Variants in NRXN1 observed in about 807,000 individuals in gnomAD.
NRXN1 encodes the protein neurexin-1.
In NRXN1, 39 loss-of-function variants were observed where a neutral mutation model predicts 150.9. The observed-to-expected ratio is 0.26, with a 90% CI of 0.20 to 0.34. The LOEUF (loss-of-function observed/expected upper bound fraction) is 0.34, where lower values mean the gene tolerates loss of function less well. Ranked by LOEUF, NRXN1 falls within the 10% of genes least tolerant of loss-of-function variation. The pLI, the probability that NRXN1 is intolerant of heterozygous loss-of-function variation, is 1.00. For synonymous variants in NRXN1, 924 were observed against 757.0 expected, an observed-to-expected ratio of 1.22 and a Z score of -3.62; for missense variants, 1,815 against 1,949.9, an observed-to-expected ratio of 0.93 and a Z score of 1.30.
chr2:50,532,203 C>A (rs1438785446), intron 10 of NRXN1, among the ~76,000 whole-genome samples: 1 of 151,992 alleles, frequency 6.6e-6, no homozygotes, highest in Non-Finnish European at 1.5e-5. Context: ...GTCAACCTTG[C>A]CTTGGCTCTG....
chr2:49,969,851 C>G (rs1216136600), intron 21 of NRXN1: 1 of 152,022 alleles, frequency 6.6e-6, no homozygotes, highest in East Asian at 1.9e-4. Context: ...GTATCCATGA[C>G]TTTACTAATA....
chr2:50,446,579 C>CTCCT (rs1316319085), intron 17 of NRXN1, among the ~76,000 whole-genome samples: 1 of 129,026 alleles, frequency 7.8e-6, no homozygotes, highest in African/African-American at 2.9e-5. Flanking sequence ...TCCTTCTTTC[C>CTCCT]TCCTTCCTTC....
At chr2:50,593,748 T>C (rs1167265867) in intron 8 of NRXN1, among the ~76,000 whole-genome samples, 1 of 152,208 alleles carries the variant, frequency 6.6e-6, no homozygotes, top group Non-Finnish European at 1.5e-5. Context: ...ATTAAACAAG[T>C]GTTTTAAATG....
At chr2:50,943,082 T>G (rs543041234) in intron 2 of NRXN1, among the ~76,000 whole-genome samples, 1 of 152,202 alleles carries the variant, frequency 6.6e-6, no homozygotes, top group East Asian at 1.9e-4. Flanking sequence ...AGTATGTGGC[T>G]CTTCTCCTTT....
chr2:50,270,964 C>G (rs2069535819), intron 17 of NRXN1, among the ~76,000 whole-genome samples: 1 of 152,098 alleles, frequency 6.6e-6, no homozygotes, highest in South Asian at 2.1e-4. Flanking sequence ...CGGCCATATA[C>G]AGATATAGGT....
intron 12 of NRXN1, among the ~76,000 whole-genome samples, chr2:50,526,990 T>TA (rs1259483947): frequency 6.6e-6 from 1 of 152,262 alleles, no homozygotes; most frequent in African/African-American, 2.4e-5. Flanking sequence ...AACATACATT[T>TA]AAAAAATCAT....
At chr2:50,215,319 T>C (rs1457763128) in intron 18 of NRXN1, among the ~76,000 whole-genome samples, 1 of 151,964 alleles carries the variant, frequency 6.6e-6, no homozygotes, top group Non-Finnish European at 1.5e-5. Context: ...CATTTTAAAA[T>C]AAAGGCCTAT....
At chr2:50,972,773 C>T (rs907387664) in intron 2 of NRXN1, among the ~76,000 whole-genome samples, 11 of 152,062 alleles carry the variant, frequency 7.2e-5, no homozygotes, top group African/African-American at 1.4e-4. Context: ...TCTAATGCTG[C>T]CACTGATCTG....
chr2:50,030,554 C>T (rs1365173511), intron 21 of NRXN1, among the ~76,000 whole-genome samples: 2 of 152,134 alleles, frequency 1.3e-5, no homozygotes, highest in African/African-American at 4.8e-5. Context: ...TAAAAACTGT[C>T]CAACACTTTG....
intron 18 of NRXN1, among the ~76,000 whole-genome samples, chr2:50,108,738 T>A (rs1701994753): frequency 6.6e-6 from 1 of 152,148 alleles, no homozygotes; most frequent in East Asian, 1.9e-4. Flanking sequence ...ACATCATGCT[T>A]AACACTAAAA....
intron 17 of NRXN1, among the ~76,000 whole-genome samples, chr2:50,263,739 G>T (rs563912400): frequency 1.3e-5 from 2 of 152,050 alleles, no homozygotes; most frequent in Non-Finnish European, 1.5e-5. Flanking sequence ...CCTTTTAGAG[G>T]TCTCCAAGCT....
At chr2:50,993,312 G>A (rs1698818660) in intron 2 of NRXN1, among the ~76,000 whole-genome samples, 1 of 151,880 alleles carries the variant, frequency 6.6e-6, no homozygotes, top group African/African-American at 2.4e-5. Flanking sequence ...CATTTATATA[G>A]TTAGCCTAGG....
intron 2 of NRXN1, among the ~76,000 whole-genome samples, chr2:51,001,258 G>A (rs1700039280): frequency 6.7e-6 from 1 of 150,360 alleles, no homozygotes; most frequent in Admixed American, 6.7e-5. Flanking sequence ...GTTTGTCAGG[G>A]GAGGACAAGT....
intron 21 of NRXN1, among the ~76,000 whole-genome samples, chr2:49,988,450 G>C (rs919970487): frequency 3.9e-5 from 6 of 152,064 alleles, no homozygotes; most frequent in African/African-American, 1.2e-4. Flanking sequence ...ATGAGTCATA[G>C]GACAGCAGAT....
intron 5 of NRXN1, among the ~76,000 whole-genome samples, chr2:50,742,073 T>C (rs933855268): frequency 2.6e-5 from 4 of 152,000 alleles, no homozygotes; most frequent in Non-Finnish European, 4.4e-5. Flanking sequence ...ATATAGGTGG[T>C]TTATGAATAT....
chr2:51,012,203 GTA>G, intron 2 of NRXN1, among the ~76,000 whole-genome samples: 1 of 151,990 alleles, frequency 6.6e-6, no homozygotes, highest in Non-Finnish European at 1.5e-5. Flanking sequence ...AACAAACTCA[GTA>G]TTTATTAATC....
chr2:50,273,029 A>C (rs2069912288), intron 17 of NRXN1, among the ~76,000 whole-genome samples: 2 of 152,160 alleles, frequency 1.3e-5, no homozygotes, highest in Non-Finnish European at 2.9e-5. Flanking sequence ...AAACACATAA[A>C]AATTTTAAAA....
chr2:50,646,156 T>C (rs1684785776), intron 5 of NRXN1, among the ~76,000 whole-genome samples: 1 of 151,930 alleles, frequency 6.6e-6, no homozygotes, highest in South Asian at 2.1e-4. Context: ...ACTGGTAATA[T>C]ACTATTAGGT....
chr2:50,189,069 T>C (rs1443212608), intron 18 of NRXN1, among the ~76,000 whole-genome samples: 1 of 152,194 alleles, frequency 6.6e-6, no homozygotes, highest in African/African-American at 2.4e-5. Context: ...CATGCACACG[T>C]ATGTTTATTG....
Sources: allele counts gnomAD v4.1 joint callset (sites outside exome capture counted in the v4.1 genomes callset), GRCh38; gene constraint gnomAD v4.1.1; transcripts MANE v1.5; gene names NCBI Gene and HGNC (gene_info 2026-07-23, HGNC 2026-07-21).